GRIN2B: variants seen among roughly 807,000 people sequenced by gnomAD.
GRIN2B encodes glutamate ionotropic receptor NMDA type subunit 2B.
Under a neutral mutation model 114.5 loss-of-function variants are expected in GRIN2B, and 5 were observed. That is an observed-to-expected ratio of 0.04 (90% CI 0.02 to 0.09). The LOEUF (loss-of-function observed/expected upper bound fraction) is 0.09. Among genes scored for constraint, GRIN2B ranks in the 10% least tolerant of loss-of-function variants. The probability of loss-of-function intolerance (pLI) is 1.00; values close to 1 mark genes in which losing one functional copy is unlikely to be tolerated. For missense variants in GRIN2B, 1,108 were observed against 1,943.5 expected (o/e 0.57, Z 8.08); for synonymous variants, 787 against 745.1 (o/e 1.06, Z -0.92).
At chr12:13,656,364 G>T (rs1269203225) in intron 5 of GRIN2B, among the ~76,000 whole-genome samples, 1 of 152,178 alleles carries the variant, frequency 6.6e-6, no homozygotes, top group Non-Finnish European at 1.5e-5. Context: ...TTGCAGTGGG[G>T]TAGGGAACAC....
chr12:13,799,662 G>A (rs919052718), intron 3 of GRIN2B, among the ~76,000 whole-genome samples: 1 of 151,888 alleles, frequency 6.6e-6, no homozygotes, highest in Non-Finnish European at 1.5e-5. Context: ...AAAATCCTCC[G>A]GGCAGCTGCA....
chr12:13,725,371 A>G (rs1229446120), intron 4 of GRIN2B, among the ~76,000 whole-genome samples: 1 of 152,164 alleles, frequency 6.6e-6, no homozygotes, highest in Non-Finnish European at 1.5e-5. Context: ...GTAGGGTGGC[A>G]GGACTGTATT....
Position 13,537,379 on chromosome 12 carries a change from T to C in GRIN2B, c.*25404A>G, listed in dbSNP as rs1948225920. 1 of 152,176 alleles carries C rather than the reference T, an allele frequency of 6.6e-6. No individual in the cohort carries two copies. The highest frequency in any genetic ancestry group is 6.5e-5 in the Admixed American group (1 of 15,282). The allele number at this position is 152,176 out of a possible 1,614,324, so 9.4% of individuals were successfully genotyped here. On this transcript the variant is annotated 3_prime_UTR_variant, in exon 14 of 14. Coordinates refer to ENST00000609686, the MANE Select transcript of GRIN2B (RefSeq NM_000834.5). ...TTTTATGTGTAGAATTTCCTTTACA[T>C]AGAGGAGCTTTGCAGTATGTCTATA...
chr12:13,668,697 T>C (rs774366279), intron 5 of GRIN2B, among the ~76,000 whole-genome samples: 14 of 152,084 alleles, frequency 9.2e-5, no homozygotes, highest in East Asian at 1.9e-4. Context: ...CTAATGAACA[T>C]CAACCCAATG....
At chr12:13,790,694 T>C (rs2284418) in intron 3 of GRIN2B, among the ~76,000 whole-genome samples, 21,704 of 152,242 alleles carry the variant, frequency 0.14, 1,803 homozygotes, top group Non-Finnish European at 0.19. Flanking sequence ...TCACTGTTCA[T>C]TGGTGCTGAG....
intron 4 of GRIN2B, among the ~76,000 whole-genome samples, chr12:13,733,417 C>T (rs772190565): frequency 7.2e-5 from 11 of 151,932 alleles, no homozygotes; most frequent in Non-Finnish European, 1.0e-4. Context: ...ACTCAGACAG[C>T]CCAGAATTGG....
chr12:13,974,284 G>A (rs1213826898), intron 2 of GRIN2B, among the ~76,000 whole-genome samples: 2 of 152,204 alleles, frequency 1.3e-5, no homozygotes, highest in East Asian at 1.9e-4. Context: ...GGTCTAAGAT[G>A]AAAACTGTAT....
chr12:13,794,207 C>CAA (rs3082833), intron 3 of GRIN2B, among the ~76,000 whole-genome samples: 37,998 of 102,610 alleles, frequency 0.37, 7,470 homozygotes, highest in East Asian at 0.55. Flanking sequence ...GACTCTGTCT[C>CAA]AAAAAAAAAA....
At chr12:13,719,687 C>T (rs539227466) in intron 4 of GRIN2B, among the ~76,000 whole-genome samples, 1 of 152,076 alleles carries the variant, frequency 6.6e-6, no homozygotes, top group African/African-American at 2.4e-5. Flanking sequence ...CTACTTTTTG[C>T]ATCTTTACAT....
intron 4 of GRIN2B, among the ~76,000 whole-genome samples, chr12:13,690,760 G>T (rs569851843): frequency 6.6e-6 from 1 of 152,050 alleles, no homozygotes; most frequent in Non-Finnish European, 1.5e-5. Flanking sequence ...ATTTTATTCC[G>T]TAAGAAAGAA....
At chr12:13,605,079 T>G (rs575513479) in intron 10 of GRIN2B, among the ~76,000 whole-genome samples, 1 of 152,220 alleles carries the variant, frequency 6.6e-6, no homozygotes, top group East Asian at 1.9e-4. Flanking sequence ...CTCTTTTTTT[T>G]TTTTGTCTTA....
At position 13,703,789 on chromosome 12, in the gene GRIN2B, CT is replaced by C. The variant is rs1170852724; in HGVS notation, c.1011-27931del. Among the ~76,000 whole-genome samples, 3 of 152,246 alleles carry C rather than the reference CT, an allele frequency of 2.0e-5. No homozygotes were observed. The East Asian group carries it at 5.8e-4, about 29-fold the overall frequency. ...AAGTAAGGTTGACCACCATGGGATCCTTTTAACTTCAATCCATTTATTCCCA... is the reference window on the plus strand; with the variant it reads ...AAGTAAGGTTGACCACCATGGGATCCTTTAACTTCAATCCATTTATTCCCA... On this transcript the variant is annotated intron_variant, in intron 4 of 13. Transcript: ENST00000609686.
intron 3 of GRIN2B, among the ~76,000 whole-genome samples, chr12:13,756,039 C>CG (rs1863569648): frequency 6.6e-6 from 1 of 152,066 alleles, no homozygotes; most frequent in African/African-American, 2.4e-5. Flanking sequence ...TTTTATCCCC[C>CG]CAGAGTCTCA....
intron 2 of GRIN2B, among the ~76,000 whole-genome samples, chr12:13,870,651 C>A (rs1015378939): frequency 6.6e-6 from 1 of 152,030 alleles, no homozygotes; most frequent in African/African-American, 2.4e-5. Flanking sequence ...AAAAATATTC[C>A]AAGCACCATC....
chr12:13,872,656 A>C (rs1441701593), intron 2 of GRIN2B, among the ~76,000 whole-genome samples: 2 of 152,196 alleles, frequency 1.3e-5, no homozygotes, highest in African/African-American at 4.8e-5. Flanking sequence ...AACATACTTG[A>C]CTAAGGGAAA....
intron 3 of GRIN2B, among the ~76,000 whole-genome samples, chr12:13,807,166 T>C (rs1161829375): frequency 6.6e-6 from 1 of 152,194 alleles, no homozygotes; most frequent in African/African-American, 2.4e-5. Flanking sequence ...AGTTCTTTAA[T>C]GTTTTTGAGA....
Position 13,537,782 on chromosome 12 carries a change from C to T in GRIN2B, c.*25001G>A, listed in dbSNP as rs1948230862. 1 of 152,204 alleles carries T rather than the reference C, an allele frequency of 6.6e-6. No homozygotes were observed. 9.4% of individuals were successfully genotyped at this position (152,204 alleles called of 1,614,324 possible). Reference sequence around the variant, plus strand: ...CAGGCATCAGCATTTCAGAAATACTCAGATGACTCCACTATGTAAAACTGA... The same window carrying T: ...CAGGCATCAGCATTTCAGAAATACTTAGATGACTCCACTATGTAAAACTGA... On this transcript the variant is annotated 3_prime_UTR_variant, in exon 14 of 14. Coordinates refer to ENST00000609686, the MANE Select transcript of GRIN2B (RefSeq NM_000834.5).
At chr12:13,944,700 T>A (rs892559863) in intron 2 of GRIN2B, among the ~76,000 whole-genome samples, 1 of 152,214 alleles carries the variant, frequency 6.6e-6, no homozygotes, top group African/African-American at 2.4e-5. Context: ...TGAAGTTAGT[T>A]AGGGGCAGGG....
chr12:13,782,316 G>C (rs146955396), intron 3 of GRIN2B, among the ~76,000 whole-genome samples: 34 of 151,700 alleles, frequency 2.2e-4, no homozygotes, highest in African/African-American at 8.2e-4. Flanking sequence ...CTCTCTCCCC[G>C]CTCCCTCTCT....
Sources: allele counts gnomAD v4.1 joint callset (sites outside exome capture counted in the v4.1 genomes callset), GRCh38; gene constraint gnomAD v4.1.1; transcripts MANE v1.5; gene names NCBI Gene and HGNC (gene_info 2026-07-23, HGNC 2026-07-21).